Variants in SBF2 observed in about 807,000 individuals in gnomAD.
SBF2 encodes the protein SET binding factor 2, also known as myotubularin-related protein 13.
A neutral mutation model predicts 225.2 loss-of-function variants in SBF2; 112 were observed. That is an observed-to-expected ratio of 0.50 (90% CI 0.43 to 0.58). SBF2 has a LOEUF of 0.58. Among genes scored for constraint, SBF2 ranks in the 20% least tolerant of loss-of-function variants. The pLI, the probability that SBF2 is intolerant of heterozygous loss-of-function variation, is 0.00. For missense variants in SBF2, 1,996 were observed against 2,206.2 expected (o/e 0.90, Z 1.91); for synonymous variants, 763 against 773.3 (o/e 0.99, Z 0.22).
chr11:9,959,187 T>A (rs771957450), intron 16 of SBF2: 38 of 800,786 alleles, frequency 4.7e-5, no homozygotes, highest in Non-Finnish European at 7.7e-5. Flanking sequence ...CTTCACAGGG[T>A]CCGATTTGGA....
At chr11:10,133,968 C>A (rs183891703) in intron 2 of SBF2, among the ~76,000 whole-genome samples, 1 of 152,218 alleles carries the variant, frequency 6.6e-6, no homozygotes, top group African/African-American at 2.4e-5. Flanking sequence ...GAACATCTTA[C>A]GTAAAGCTTC....
At chr11:10,256,417 G>A (rs1960871831) in intron 1 of SBF2, among the ~76,000 whole-genome samples, 1 of 152,170 alleles carries the variant, frequency 6.6e-6, no homozygotes, top group Non-Finnish European at 1.5e-5. Context: ...CAGAGCTATT[G>A]GACAGAGTTC....
At position 10,138,455 on chromosome 11, in the gene SBF2, T is replaced by C. The variant is rs148769365; in HGVS notation, c.141+55447A>G. Among the ~76,000 whole-genome samples, 578 of 152,248 alleles carry C rather than the reference T, an allele frequency of 3.8e-3. 4 individuals carry two copies. Among genetic ancestry groups the C allele is most frequent in the South Asian group, 5.4e-3 (26 of 4,826 alleles). On this transcript the variant is annotated intron_variant, in intron 2 of 39. Transcript: ENST00000256190. ...GATTTTTCTCTAGTTTTCAATTTCATTGATTTCTGTTTTCATGTTTATTGC... is the reference window on the plus strand; with the variant it reads ...GATTTTTCTCTAGTTTTCAATTTCACTGATTTCTGTTTTCATGTTTATTGC...
chr11:10,170,297 AT>A (rs1011651265), intron 2 of SBF2, among the ~76,000 whole-genome samples: 4 of 151,878 alleles, frequency 2.6e-5, no homozygotes, highest in African/African-American at 9.7e-5. Flanking sequence ...TTTTGATGTG[AT>A]TTTTTTTATG....
At chr11:10,129,458 T>C (rs1953926630) in intron 2 of SBF2, among the ~76,000 whole-genome samples, 1 of 152,184 alleles carries the variant, frequency 6.6e-6, no homozygotes, top group South Asian at 2.1e-4. Flanking sequence ...CACATAGCCA[T>C]GTGCTGTGCT....
At chr11:10,016,841 C>T (rs915220527) in intron 6 of SBF2, 1 of 152,126 alleles carries the variant, frequency 6.6e-6, no homozygotes, top group African/African-American at 2.4e-5. Flanking sequence ...GATTTTTATT[C>T]CTATGTAGCA....
At chr11:9,817,913 A>G (rs765319628) in intron 28 of SBF2, among the ~76,000 whole-genome samples, 18 of 152,120 alleles carry the variant, frequency 1.2e-4, no homozygotes, top group Non-Finnish European at 1.8e-4. Context: ...AAATAAAATA[A>G]ATGAATAAAA....
intron 2 of SBF2, among the ~76,000 whole-genome samples, chr11:10,164,294 A>G (rs1314516853): frequency 1.3e-5 from 2 of 152,206 alleles, no homozygotes; most frequent in East Asian, 3.8e-4. Flanking sequence ...TAATTATAAT[A>G]AAATATTTTA....
At chr11:9,916,376 T>C (rs1863093137) in intron 16 of SBF2, among the ~76,000 whole-genome samples, 1 of 152,178 alleles carries the variant, frequency 6.6e-6, no homozygotes, top group Non-Finnish European at 1.5e-5. Context: ...TGCTGAGCAT[T>C]ATTAATGAAA....
intron 16 of SBF2, among the ~76,000 whole-genome samples, chr11:9,902,580 A>T (rs1410265650): frequency 6.6e-6 from 1 of 152,212 alleles, no homozygotes; most frequent in African/African-American, 2.4e-5. Context: ...AATATTTTAC[A>T]GATTTGATTT....
At chr11:10,022,607 C>T (rs943441560) in intron 6 of SBF2, among the ~76,000 whole-genome samples, 1 of 152,142 alleles carries the variant, frequency 6.6e-6, no homozygotes, top group African/African-American at 2.4e-5. Flanking sequence ...CCCACCCCCC[C>T]ATCATAATCT....
chr11:10,137,413 C>G (rs542124927), intron 2 of SBF2, among the ~76,000 whole-genome samples: 1 of 152,090 alleles, frequency 6.6e-6, no homozygotes, highest in Non-Finnish European at 1.5e-5. Flanking sequence ...ATTGAGCTGG[C>G]TAGAACTTCC....
At chr11:9,938,536 G>A in intron 16 of SBF2, among the ~76,000 whole-genome samples, 1 of 150,590 alleles carries the variant, frequency 6.6e-6, no homozygotes, top group East Asian at 1.9e-4. Context: ...AAATAAATAT[G>A]GTATTCGTTT....
At chr11:10,024,847 T>A (rs1948993145) in intron 6 of SBF2, among the ~76,000 whole-genome samples, 1 of 152,182 alleles carries the variant, frequency 6.6e-6, no homozygotes, top group African/African-American at 2.4e-5. Flanking sequence ...GAATCTGGAA[T>A]TGTCATGCAG....
chr11:10,154,045 C>G (rs555732924), intron 2 of SBF2, among the ~76,000 whole-genome samples: 75 of 152,050 alleles, frequency 4.9e-4, no homozygotes, highest in African/African-American at 1.7e-3. Flanking sequence ...TATCGTCTAT[C>G]TTGTCTACAG....
At position 9,903,740 on chromosome 11, in the gene SBF2, CA is replaced by C. The variant is rs1590386060; in HGVS notation, c.1861-7730del. ...GATTCTTCCCTTAGGCTGGGCTACTCATAAGTGCAGTGCCCTCCTTACACTT... is the reference window on the plus strand; with the variant it reads ...GATTCTTCCCTTAGGCTGGGCTACTCTAAGTGCAGTGCCCTCCTTACACTT... On this transcript the variant is annotated intron_variant, in intron 16 of 39. Coordinates refer to ENST00000256190, the MANE Select transcript of SBF2 (RefSeq NM_030962.4). Among the ~76,000 whole-genome samples, 5 of 152,332 alleles carry C rather than the reference CA, an allele frequency of 3.3e-5. No homozygotes were observed. In the East Asian group the frequency reaches 9.6e-4, roughly 29 times the overall value.
chr11:9,798,433 A>T (rs1178364471), intron 32 of SBF2, among the ~76,000 whole-genome samples: 1 of 152,146 alleles, frequency 6.6e-6, no homozygotes, highest in Non-Finnish European at 1.5e-5. Context: ...CAGGGCAACT[A>T]AGGATGGAAC....
At chr11:9,910,890 C>CA (rs68011518) in intron 16 of SBF2, among the ~76,000 whole-genome samples, 26,428 of 93,496 alleles carry the variant, frequency 0.28, 3,811 homozygotes, top group Non-Finnish European at 0.35. Flanking sequence ...TACTAAAATA[C>CA]AAAAAAAAAA....
At chr11:10,087,974 C>T (rs1191082012) in intron 2 of SBF2, among the ~76,000 whole-genome samples, 1 of 151,658 alleles carries the variant, frequency 6.6e-6, no homozygotes, top group African/African-American at 2.4e-5. Context: ...TTCTGTATCA[C>T]ATATCGTTGT....
Sources: gnomAD v4.1 joint callset for allele counts (sites outside exome capture counted in the v4.1 genomes callset) on GRCh38, gnomAD v4.1.1 for gene constraint, MANE v1.5 for transcripts, NCBI Gene and HGNC (gene_info 2026-07-23, HGNC 2026-07-21) for gene names.